The following CTNNA2 variants were observed in gnomAD, a reference collection of about 807,000 sequenced individuals.
CTNNA2 encodes catenin alpha 2.
CTNNA2 carries 42 observed loss-of-function variants against 101.0 expected under a neutral mutation model. That is an observed-to-expected ratio of 0.42 (90% CI 0.32 to 0.54). The LOEUF (loss-of-function observed/expected upper bound fraction) is 0.54. Ranked by LOEUF, CTNNA2 falls within the 20% of genes least tolerant of loss-of-function variation. The pLI is 0.14. For missense variants in CTNNA2, 871 were observed against 1,223.1 expected (o/e 0.71, Z 4.29); for synonymous variants, 450 against 456.4 (o/e 0.99, Z 0.18).
intron 2 of CTNNA2, among the ~76,000 whole-genome samples, chr2:79,715,061 A>G (rs1003184053): frequency 8.0e-5 from 12 of 149,958 alleles, no homozygotes; most frequent in African/African-American, 2.7e-4. Flanking sequence ...AAAAAAATTA[A>G]CCAGGCGTGG....
chr2:79,823,608 A>C (rs1364810592), intron 3 of CTNNA2, among the ~76,000 whole-genome samples: 1 of 152,186 alleles, frequency 6.6e-6, no homozygotes, highest in African/African-American at 2.4e-5. Context: ...TCAGAAAAAT[A>C]GAGATAGAAA....
chr2:80,248,316 A>G (rs920426880), intron 7 of CTNNA2, among the ~76,000 whole-genome samples: 2 of 152,062 alleles, frequency 1.3e-5, no homozygotes, highest in African/African-American at 2.4e-5. Flanking sequence ...ACAGCTCACA[A>G]ATTCTTCTTG....
At chr2:79,287,707 C>T (rs1390778529) in intron 2 of CTNNA2, among the ~76,000 whole-genome samples, 3 of 152,150 alleles carry the variant, frequency 2.0e-5, no homozygotes, top group Non-Finnish European at 4.4e-5. Flanking sequence ...TTTTGTTTGT[C>T]TGTGCCCTGC....
At chr2:80,207,808 A>G (rs1379037094) in intron 7 of CTNNA2, among the ~76,000 whole-genome samples, 2 of 152,170 alleles carry the variant, frequency 1.3e-5, no homozygotes, top group African/African-American at 4.8e-5. Context: ...AGATTGCCCA[A>G]GGAGAGAAAG....
At chr2:80,035,773 A>T (rs1218937424) in intron 7 of CTNNA2, among the ~76,000 whole-genome samples, 1 of 152,246 alleles carries the variant, frequency 6.6e-6, no homozygotes, top group Non-Finnish European at 1.5e-5. Context: ...AGTGAATTTC[A>T]CCTGTATCGA....
intron 1 of CTNNA2, among the ~76,000 whole-genome samples, chr2:79,638,155 T>C (rs563896325): frequency 6.6e-6 from 1 of 152,324 alleles, no homozygotes; most frequent in Admixed American, 6.5e-5. Context: ...AGTGGAATCA[T>C]TGTTGTTTTG....
intron 7 of CTNNA2, among the ~76,000 whole-genome samples, chr2:80,205,438 A>G (rs981412090): frequency 6.6e-6 from 1 of 152,228 alleles, no homozygotes; most frequent in Admixed American, 6.5e-5. Flanking sequence ...TAGTGTTGAC[A>G]CTGACGGTCC....
At chr2:79,455,564 C>T (rs999525278) in intron 4 of CTNNA2, among the ~76,000 whole-genome samples, 2 of 152,128 alleles carry the variant, frequency 1.3e-5, no homozygotes, top group Admixed American at 1.3e-4. Flanking sequence ...CTCCACTCTC[C>T]CTTGTTGTTG....
In CTNNA2 at chr2:79,845,769, T is replaced by C. The variant is rs535250519; in HGVS notation, c.299-12244T>C. Among the ~76,000 whole-genome samples the C allele has an allele frequency of 2.0e-5, 3 of 152,336 alleles. No individual in the cohort carries two copies. In the East Asian group the frequency reaches 5.8e-4, roughly 29 times the overall value. The stretch of plus-strand genomic sequence containing the variant: ...AGTTACCTTAAATCAATTTCGTTCA[T>C]TACCCATTGTCAGATCTTCTTGCTG... On this transcript the variant is annotated intron_variant, in intron 3 of 18. Transcript: ENST00000402739.
At chr2:79,208,260 A>C (rs1558573705) in intron 2 of CTNNA2, among the ~76,000 whole-genome samples, 1 of 152,160 alleles carries the variant, frequency 6.6e-6, no homozygotes, top group African/African-American at 2.4e-5. Context: ...GGGTAAATAG[A>C]ATGGCTCTGC....
chr2:80,599,602 C>A (rs967692281), intron 15 of CTNNA2, among the ~76,000 whole-genome samples: 1 of 152,078 alleles, frequency 6.6e-6, no homozygotes, highest in East Asian at 1.9e-4. Flanking sequence ...GAAACTGGGT[C>A]ATGTCACTAA....
rs114153069 is a variant in CTNNA2, at chr2:79,711,116, T to C, written c.103-33271T>C. ...ACTCCATGTACTTACTTTGGCTTTG[T>C]GTAGCTGTAAAGTGGAATGATATCT... is the stretch of plus-strand genomic sequence containing the variant. On this transcript the variant is annotated intron_variant, in intron 2 of 18. Transcript: ENST00000402739. Among the ~76,000 whole-genome samples the C allele has an allele frequency of 8.1e-3, 1,239 of 152,338 alleles. 9 individuals are homozygous for C. Among genetic ancestry groups the C allele is most frequent in the African/African-American group, 0.027 (1,136 of 41,582 alleles).
At chr2:80,321,010 C>A (rs550125390) in intron 7 of CTNNA2, among the ~76,000 whole-genome samples, 2 of 152,036 alleles carry the variant, frequency 1.3e-5, no homozygotes, top group Non-Finnish European at 2.9e-5. Flanking sequence ...CATAGTGTGC[C>A]AATATTAATG....
At chr2:79,512,628 G>C (rs891231879), upstream of CTNNA2, among the ~76,000 whole-genome samples, 2 of 150,626 alleles carry the variant, frequency 1.3e-5, no homozygotes, top group East Asian at 4.0e-4. Flanking sequence ...CGCGACTCCG[G>C]CGATTCAGCT....
In CTNNA2 at chr2:79,602,351, TA is replaced by T. The variant is rs1222437637; in HGVS notation, c.-5-49191del. On this transcript the variant is annotated intron_variant, in intron 1 of 18. Coordinates refer to ENST00000402739, the MANE Select transcript of CTNNA2 (RefSeq NM_001282597.3). ...AAATTCAGTTTACCCATTCATGATT[TA>T]AAAAAAAAACTCTAAAACAGTAGGT... 4.0e-5 allele frequency among the ~76,000 whole-genome samples: 6 copies of T among 149,146 alleles called. No individual in the cohort carries two copies. In the East Asian group the frequency reaches 5.8e-4, roughly 15 times the overall value.
chr2:80,139,653 A>C (rs1428795647), intron 7 of CTNNA2, among the ~76,000 whole-genome samples: 2 of 152,194 alleles, frequency 1.3e-5, no homozygotes, highest in Non-Finnish European at 2.9e-5. Context: ...AGAAACACAA[A>C]AATTTAGCAT....
intron 4 of CTNNA2, among the ~76,000 whole-genome samples, chr2:79,463,574 T>C (rs530129745): frequency 2.0e-5 from 3 of 152,258 alleles, no homozygotes; most frequent in Admixed American, 1.3e-4. Context: ...TTGGATATAA[T>C]CTTAAGTGAG....
chr2:80,628,693 G>A (rs1207544556), intron 18 of CTNNA2, among the ~76,000 whole-genome samples: 3 of 152,016 alleles, frequency 2.0e-5, no homozygotes, highest in East Asian at 1.9e-4. Context: ...AGGGAATTAA[G>A]ATAGGTAACT....
chr2:80,332,528 C>T (rs1032875793), intron 7 of CTNNA2, among the ~76,000 whole-genome samples: 1 of 151,982 alleles, frequency 6.6e-6, no homozygotes, highest in African/African-American at 2.4e-5. Flanking sequence ...CTTCTGGTAG[C>T]AAAAGCAAAA....
Sources: allele counts gnomAD v4.1 joint callset (sites outside exome capture counted in the v4.1 genomes callset), GRCh38; gene constraint gnomAD v4.1.1; transcripts MANE v1.5; gene names NCBI Gene and HGNC (gene_info 2026-07-23, HGNC 2026-07-21).